Variants in COL18A1 observed in about 807,000 individuals in gnomAD.
COL18A1 encodes collagen alpha-1(XVIII) chain.
Under a neutral mutation model 168.0 loss-of-function variants are expected in COL18A1, and 133 were observed. The observed-to-expected ratio is 0.79, with a 90% CI of 0.69 to 0.91. The LOEUF (loss-of-function observed/expected upper bound fraction) is 0.91, where lower values mean the gene tolerates loss of function less well. Among genes scored for constraint, COL18A1 ranks in the 40% least tolerant of loss-of-function variants. The pLI is 0.00. For missense variants in COL18A1, 2,126 were observed against 1,925.4 expected (o/e 1.10, Z -1.95); for synonymous variants, 949 against 809.0 (o/e 1.17, Z -2.94).
In COL18A1 at chr21:45,508,376, G is replaced by A. The variant is rs368122096; in HGVS notation, c.3249+783G>A. Among the ~76,000 whole-genome samples the A allele has an allele frequency of 1.7e-3, 262 of 149,874 alleles. 2 individuals carry two copies. The highest frequency in any genetic ancestry group is 5.8e-3 in the African/African-American group (231 of 40,146). Reference sequence around the variant, plus strand: ...CAAGTGGGTGAGTGGATGGGTGGATGGATGGTGGGCAGATGGATGGTGGAT... The same window carrying A: ...CAAGTGGGTGAGTGGATGGGTGGATAGATGGTGGGCAGATGGATGGTGGAT... On this transcript the variant is annotated intron_variant, in intron 38 of 41. Transcript: ENST00000651438.
chr21:45,437,324 A>ACACACACAGGCACTCTCCTGTGCGCG, intron 2 of COL18A1, among the ~76,000 whole-genome samples: 1 of 116,948 alleles, frequency 8.6e-6, no homozygotes. Flanking sequence ...TCTCCTGCAC[A>ACACACACAGGCACTCTCCTGTGCGCG]CACACACACT....
At chr21:45,464,342 C>T (rs1450548096) in intron 2 of COL18A1, among the ~76,000 whole-genome samples, 1 of 152,140 alleles carries the variant, frequency 6.6e-6, no homozygotes, top group Non-Finnish European at 1.5e-5. Context: ...CCAAAAAAGA[C>T]CCTCTTAGAT....
At chr21:45,434,580 A>G (rs1033286145) in intron 2 of COL18A1, among the ~76,000 whole-genome samples, 11 of 152,212 alleles carry the variant, frequency 7.2e-5, no homozygotes, top group Non-Finnish European at 1.6e-4. Context: ...GGCTGTTACA[A>G]CAGCCTTTAA....
chr21:45,422,668 A>G, intron 2 of COL18A1: 1 of 327,014 alleles, frequency 3.1e-6, no homozygotes, highest in Non-Finnish European at 6.1e-6. Context: ...CACCCTGCCA[A>G]GGAAAGGGGA....
At position 45,480,251 on chromosome 21, in the gene COL18A1, G is replaced by A; in HGVS notation, c.1398+95G>A. ...CAGAAGTATCAGCTCCACCCTCAGG[G>A]GCTTGCGTGGGGTCTTGGCTGAGCT... On this transcript the variant is annotated intron_variant, in intron 11 of 41. Coordinates refer to ENST00000651438, the MANE Select transcript of COL18A1 (RefSeq NM_001379500.1). The A allele has an allele frequency of 1.2e-5, 14 of 1,125,284 alleles. No individual in the cohort carries two copies. The South Asian group carries it at 1.6e-4, about 13-fold the overall frequency. 69.7% of individuals were successfully genotyped at this position (1,125,284 alleles called of 1,614,324 possible). A position where few individuals can be genotyped will look rare whatever the true frequency, so the allele number is the denominator to read the frequency against.
At position 45,442,153 on chromosome 21, in the gene COL18A1, C is replaced by T. The variant is rs192062970; in HGVS notation, c.107-26089C>T. On this transcript the variant is annotated intron_variant, in intron 2 of 41. Transcript: ENST00000651438. ...TGGGTGGCGCTGCCCTGTTGCCCAC[C>T]GTAGCTGCTGTGGGGCCACAGCCTT... Among the ~76,000 whole-genome samples the T allele has an allele frequency of 3.6e-3, 549 of 151,838 alleles. 2 individuals are homozygous for T. The highest frequency in any genetic ancestry group is 7.5e-3 in the Admixed American group (115 of 15,258).
In COL18A1 at chr21:45,491,385, G is replaced by GCC. The variant is rs148502711; in HGVS notation, c.2157+78_2157+79dup. On this transcript the variant is annotated intron_variant, in intron 22 of 41. Transcript: ENST00000651438. ...ACGGGGTGCAGAGATCCCTCCCCGA[G>GCC]CCCCCCCCACACCCCCACATCCCCC... 3,666 of 715,474 alleles carry GCC rather than the reference G, an allele frequency of 5.1e-3. 13 individuals carry two copies. The highest frequency in any genetic ancestry group is 4.8e-3 in the Non-Finnish European group (1,964 of 407,468). The allele number at this position is 715,474 out of a possible 1,614,324, so 44.3% of individuals were successfully genotyped here. A position where few individuals can be genotyped will look rare whatever the true frequency, so the allele number is the denominator to read the frequency against.
chr21:45,485,502 GAA>G (rs11367202), intron 15 of COL18A1, among the ~76,000 whole-genome samples: 5 of 151,058 alleles, frequency 3.3e-5, no homozygotes, highest in African/African-American at 1.2e-4. Context: ...TGTCCAAAAA[GAA>G]AAAAAAATTA....
At chr21:45,437,580 G>T (rs561272768) in intron 2 of COL18A1, among the ~76,000 whole-genome samples, 5 of 30,020 alleles carry the variant, frequency 1.7e-4, no homozygotes, top group Admixed American at 1.5e-3. Context: ...GCACTCTCCT[G>T]TACACACACA....
Position 45,443,135 on chromosome 21 carries a change from C to CGGAGGTCCTAGTGTGGGT in COL18A1, c.107-25105_107-25104insAGGTCCTAGTGTGGGTGG, listed in dbSNP as rs2034427720. On this transcript the variant is annotated intron_variant, in intron 2 of 41. Transcript: ENST00000651438. This position sits in a 1 kb window ranked among gnomAD's most constrained non-coding sequence, Gnocchi z 5.2. ...GTGTGGGCGGCGGTGCTGGTGTGGG[C>CGGAGGTCCTAGTGTGGGT]GGCGGTGCTGGTGTGGGCGGCGGTG... is the stretch of plus-strand genomic sequence containing the variant. Among the ~76,000 whole-genome samples, 1 of 86,962 alleles carries CGGAGGTCCTAGTGTGGGT rather than the reference C, an allele frequency of 1.1e-5. No individual in the cohort carries two copies. Among genetic ancestry groups the CGGAGGTCCTAGTGTGGGT allele is most frequent in the African/African-American group, 4.5e-5 (1 of 22,244 alleles). The allele number at this position is 86,962 out of a possible 152,430, so 57.1% of individuals were successfully genotyped here.
At chr21:45,430,736 G>C (rs1276173413) in intron 2 of COL18A1, among the ~76,000 whole-genome samples, 1 of 151,514 alleles carries the variant, frequency 6.6e-6, no homozygotes, top group Non-Finnish European at 1.5e-5. Flanking sequence ...GCACTGCAAG[G>C]GAGCGTCAGT....
intron 25 of COL18A1, 30 bp downstream of exon 25, chr21:45,493,255 C>G: frequency 6.5e-7 from 1 of 1,550,170 alleles, no homozygotes; most frequent in Non-Finnish European, 8.7e-7. Context: ...TCCCTCAACC[C>G]CCTTTGTGAC....
rs374446192 is a variant in COL18A1 at position 45,494,495 on chromosome 21, G to A, written c.2353-50G>A. The A allele has an allele frequency of 2.4e-4, 389 of 1,613,022 alleles. 1 individual carries two copies. The Middle Eastern group carries it at 8.7e-3, about 36-fold the overall frequency. On this transcript the variant is annotated intron_variant, in intron 26 of 41. Coordinates refer to ENST00000651438, the MANE Select transcript of COL18A1 (RefSeq NM_001379500.1). ...ACAGGGGCCCTCAGAGAGGCTGCCA[G>A]GTGGGGCACAAGCTGCCACCTAACC...
At chr21:45,506,430 C>G (rs551956525) in intron 37 of COL18A1, 1 of 299,390 alleles carries the variant, frequency 3.3e-6, no homozygotes, top group African/African-American at 2.2e-5. Context: ...CTCTGCTTAG[C>G]ACGGGCCTTG....
chr21:45,414,062 G>A (rs1277651784), intron 2 of COL18A1, among the ~76,000 whole-genome samples: 1 of 152,242 alleles, frequency 6.6e-6, no homozygotes, highest in Non-Finnish European at 1.5e-5. Context: ...AGGTGGAGGA[G>A]GAGGATCGGG....
intron 2 of COL18A1, among the ~76,000 whole-genome samples, chr21:45,406,782 A>C (rs1027207899): frequency 1.3e-5 from 2 of 152,266 alleles, no homozygotes; most frequent in Non-Finnish European, 2.9e-5. Context: ...CAAGGAGGAG[A>C]TGTAAAAGGT....
chr21:45,439,309 GCGTTC>G (rs2034303550), intron 2 of COL18A1, among the ~76,000 whole-genome samples: 1 of 152,222 alleles, frequency 6.6e-6, no homozygotes, highest in Admixed American at 6.5e-5. Context: ...AGGGCGCAGC[GCGTTC>G]CGTTTCGGCT....
chr21:45,451,117 G>T (rs560970340), intron 2 of COL18A1, among the ~76,000 whole-genome samples: 1 of 152,366 alleles, frequency 6.6e-6, no homozygotes, highest in South Asian at 2.1e-4. Context: ...CTCCTCAGGA[G>T]CGGGCAGGTC....
intron 17 of COL18A1, among the ~76,000 whole-genome samples, 184 bp from the exon 18 acceptor site, chr21:45,488,234 A>G (rs551191427): frequency 5.2e-5 from 8 of 152,386 alleles, no homozygotes; most frequent in Non-Finnish European, 7.3e-5. Context: ...AGAAATTTCA[A>G]TTAGGCAGAA....
Sources: allele counts gnomAD v4.1 joint callset (sites outside exome capture counted in the v4.1 genomes callset), GRCh38; gene constraint gnomAD v4.1.1; non-coding constraint Gnocchi (gnomAD v3.1); transcripts MANE v1.5; gene names NCBI Gene and HGNC (gene_info 2026-07-23, HGNC 2026-07-21).